The following ERBB4 variants were observed in gnomAD, a reference collection of about 807,000 sequenced individuals.
ERBB4 encodes erb-b2 receptor tyrosine kinase 4.
ERBB4 carries 42 observed loss-of-function variants against 158.0 expected under a neutral mutation model. The ratio of observed to expected loss-of-function variants is 0.27; its 90% CI spans 0.21 to 0.34. ERBB4 has a LOEUF of 0.34. ERBB4 is among the 10% of genes least tolerant of loss of function. ERBB4 has a pLI of 1.00. For missense variants in ERBB4, 1,333 were observed against 1,624.1 expected (o/e 0.82, Z 3.08); for synonymous variants, 583 against 558.7 (o/e 1.04, Z -0.61).
chr2:212,475,268 T>C (rs73063161), intron 1 of ERBB4, among the ~76,000 whole-genome samples: 14,001 of 152,174 alleles, frequency 0.092, 1,734 homozygotes, highest in African/African-American at 0.28. Context: ...TCAGTTGTTC[T>C]CTGCTCTGCA....
chr2:211,407,024 G>A (rs2125367761), intron 25 of ERBB4, among the ~76,000 whole-genome samples: 1 of 152,132 alleles, frequency 6.6e-6, no homozygotes, highest in East Asian at 1.9e-4. Flanking sequence ...AGGTTGCAGT[G>A]AGCTGAGATC....
chr2:211,815,292 T>C (rs1463198979), intron 3 of ERBB4, among the ~76,000 whole-genome samples: 1 of 152,226 alleles, frequency 6.6e-6, no homozygotes, highest in Non-Finnish European at 1.5e-5. Flanking sequence ...GTGTTATAGT[T>C]ATTCAAAACA....
chr2:212,188,233 T>TCTCTCTCTCTC (rs1559691540), intron 1 of ERBB4, among the ~76,000 whole-genome samples: 2 of 16,576 alleles, frequency 1.2e-4, no homozygotes, highest in African/African-American at 2.8e-4. Flanking sequence ...TCTCTCTCTC[T>TCTCTCTCTCTC]CCCCCCCCCT....
intron 14 of ERBB4, among the ~76,000 whole-genome samples, chr2:211,668,264 T>C (rs2071704644): frequency 6.6e-6 from 1 of 152,210 alleles, no homozygotes. Flanking sequence ...TATTTGATTG[T>C]ATTATCATGA....
intron 7 of ERBB4, 114 bp downstream of exon 7, chr2:211,722,279 C>T (rs1244654231): frequency 3.7e-5 from 32 of 872,526 alleles, no homozygotes; most frequent in Non-Finnish European, 5.0e-5. Context: ...AGTATCTATA[C>T]CCAAAGTACT....
chr2:212,458,090 T>C (rs1473296436), intron 1 of ERBB4, among the ~76,000 whole-genome samples: 1 of 152,140 alleles, frequency 6.6e-6, no homozygotes, highest in African/African-American at 2.4e-5. Flanking sequence ...TTTAAAATAA[T>C]TCATGTCAAC....
intron 1 of ERBB4, among the ~76,000 whole-genome samples, chr2:212,350,758 T>G (rs751263767): frequency 6.6e-6 from 1 of 151,926 alleles, no homozygotes; most frequent in Admixed American, 6.6e-5. Context: ...AAGAAGCATA[T>G]TAAGTAAACT....
At chr2:212,104,490 C>T (rs1384491250) in intron 2 of ERBB4, among the ~76,000 whole-genome samples, 1 of 152,034 alleles carries the variant, frequency 6.6e-6, no homozygotes, top group African/African-American at 2.4e-5. Context: ...ATAATACATG[C>T]ACATAGAAAC....
intron 1 of ERBB4, among the ~76,000 whole-genome samples, chr2:212,439,226 G>A (rs1175534343): frequency 2.0e-5 from 3 of 152,076 alleles, no homozygotes; most frequent in South Asian, 2.1e-4. Flanking sequence ...AGACTGCTTC[G>A]AGATTATTCT....
intron 12 of ERBB4, among the ~76,000 whole-genome samples, chr2:211,682,862 T>C (rs1324046247): frequency 6.6e-6 from 1 of 152,046 alleles, no homozygotes; most frequent in African/African-American, 2.4e-5. Flanking sequence ...GTTTAAACCA[T>C]TTACATTTAA....
intron 3 of ERBB4, among the ~76,000 whole-genome samples, chr2:211,913,470 G>A (rs932749965): frequency 2.6e-5 from 4 of 151,930 alleles, no homozygotes; most frequent in Non-Finnish European, 5.9e-5. Flanking sequence ...GTGTGATGGT[G>A]CGTGCCTGTC....
intron 19 of ERBB4, among the ~76,000 whole-genome samples, chr2:211,607,494 G>T (rs561089447): frequency 2.8e-4 from 43 of 152,250 alleles, no homozygotes; most frequent in African/African-American, 9.4e-4. Context: ...CCTAGATAAA[G>T]TTGCAGCAGC....
intron 3 of ERBB4, among the ~76,000 whole-genome samples, chr2:211,932,202 G>T (rs2080196927): frequency 6.6e-6 from 1 of 151,890 alleles, no homozygotes; most frequent in Non-Finnish European, 1.5e-5. Flanking sequence ...AAATTCTCAG[G>T]CCAAATTTAA....
At chr2:212,030,165 C>T (rs891186818) in intron 2 of ERBB4, among the ~76,000 whole-genome samples, 2 of 152,116 alleles carry the variant, frequency 1.3e-5, no homozygotes, top group Non-Finnish European at 2.9e-5. Context: ...TATGAACGCA[C>T]TTCCATCTTC....
At chr2:211,603,377 G>A (rs953386921) in intron 19 of ERBB4, among the ~76,000 whole-genome samples, 3 of 151,986 alleles carry the variant, frequency 2.0e-5, no homozygotes, top group Non-Finnish European at 4.4e-5. Context: ...TAGATGTAGG[G>A]ATATAGAATA....
chr2:212,329,503 A>T (rs2088026856), intron 1 of ERBB4, among the ~76,000 whole-genome samples: 1 of 152,054 alleles, frequency 6.6e-6, no homozygotes, highest in Non-Finnish European at 1.5e-5. Context: ...TTCTGTTCCC[A>T]CCTGTTGAAA....
At chr2:212,258,787 A>G (rs1048911662) in intron 1 of ERBB4, among the ~76,000 whole-genome samples, 3 of 151,822 alleles carry the variant, frequency 2.0e-5, no homozygotes, top group Non-Finnish European at 4.4e-5. Context: ...TTTCTTTTTC[A>G]GTGCATACAA....
chr2:212,295,446 T>A (rs1338542292), intron 1 of ERBB4, among the ~76,000 whole-genome samples: 4 of 152,100 alleles, frequency 2.6e-5, no homozygotes, highest in Admixed American at 6.6e-5. Flanking sequence ...ACTGATTATA[T>A]TATCTTCATG....
chr2:212,283,984 C>T (rs905536551), intron 1 of ERBB4, among the ~76,000 whole-genome samples: 3 of 151,928 alleles, frequency 2.0e-5, no homozygotes, highest in Non-Finnish European at 4.4e-5. Context: ...GTTATTCTTT[C>T]TGTGAGAAAA....
Sources: allele counts gnomAD v4.1 joint callset (sites outside exome capture counted in the v4.1 genomes callset), GRCh38; gene constraint gnomAD v4.1.1; transcripts MANE v1.5; gene names NCBI Gene and HGNC (gene_info 2026-07-23, HGNC 2026-07-21).